Variants in MCTP1 observed in about 807,000 individuals in gnomAD.
The protein encoded by MCTP1 is multiple C2 and transmembrane domain-containing protein 1.
MCTP1 carries 69 observed loss-of-function variants against 120.6 expected under a neutral mutation model. The observed-to-expected ratio is 0.57, with a 90% CI of 0.47 to 0.70. MCTP1 has a LOEUF of 0.70. MCTP1 is among the 30% of genes least tolerant of loss of function. The probability of loss-of-function intolerance (pLI) is 0.00; values close to 1 mark genes in which losing one functional copy is unlikely to be tolerated. For synonymous variants in MCTP1, 529 were observed against 493.1 expected, an observed-to-expected ratio of 1.07 and a Z score of -0.96; for missense variants, 1,203 against 1,248.8, an observed-to-expected ratio of 0.96 and a Z score of 0.55.
chr5:95,036,620 C>G (rs1239657859), intron 1 of MCTP1, among the ~76,000 whole-genome samples: 5 of 152,078 alleles, frequency 3.3e-5, no homozygotes, highest in Admixed American at 2.0e-4. Flanking sequence ...TCAGGAAAAC[C>G]CAAAGAACCA....
At chr5:95,060,925 G>C (rs1386554786) in intron 1 of MCTP1, among the ~76,000 whole-genome samples, 3 of 131,486 alleles carry the variant, frequency 2.3e-5, no homozygotes, top group African/African-American at 8.6e-5. Context: ...AGTGGGCAGA[G>C]AGCATGCCAC....
intron 6 of MCTP1, among the ~76,000 whole-genome samples, chr5:94,927,343 T>A (rs1154848): frequency 0.36 from 55,063 of 152,056 alleles, 10,883 homozygotes; most frequent in South Asian, 0.49. Context: ...TGAGGTTGAT[T>A]TTATAACATT....
In MCTP1 at chr5:94,873,131, C is replaced by T; in HGVS notation, c.2036+8G>A. 1 of 1,485,270 alleles carries T rather than the reference C, an allele frequency of 6.7e-7. No homozygotes were observed. Among genetic ancestry groups the T allele is most frequent in the Non-Finnish European group, 9.4e-7 (1 of 1,065,382 alleles). 92.0% of individuals were successfully genotyped at this position (1,485,270 alleles called of 1,614,324 possible). ...TTGGATTCAGAGCCCAAAGAAATGC[C>T]TACTTACAACGTGAAGACTTTATTC... On this transcript the variant is annotated splice_region_variant and intron_variant, in intron 13 of 22. Transcript: ENST00000515393.
At chr5:95,137,324 C>A (rs923246879) in intron 1 of MCTP1, among the ~76,000 whole-genome samples, 1 of 152,218 alleles carries the variant, frequency 6.6e-6, no homozygotes, top group Non-Finnish European at 1.5e-5. Flanking sequence ...ATTCTCCAAG[C>A]CTCAGCATTG....
intron 1 of MCTP1, among the ~76,000 whole-genome samples, chr5:95,171,071 G>A (rs990633871): frequency 3.3e-5 from 5 of 152,020 alleles, no homozygotes; most frequent in African/African-American, 1.2e-4. Context: ...TCCATGTTTA[G>A]TGCTTATTTC....
At chr5:95,096,810 G>T (rs139335424) in intron 1 of MCTP1, among the ~76,000 whole-genome samples, 77 of 152,158 alleles carry the variant, frequency 5.1e-4, no homozygotes, top group African/African-American at 1.6e-3. Flanking sequence ...TATTAAATGG[G>T]GCCAAGAGAG....
intron 22 of MCTP1, 59 bp from the exon 23 acceptor site, chr5:94,707,626 G>T: frequency 7.9e-7 from 1 of 1,263,294 alleles, no homozygotes; most frequent in South Asian, 1.2e-5. Context: ...GCAAAGAAAG[G>T]AACAGCAAAG....
intron 1 of MCTP1, among the ~76,000 whole-genome samples, chr5:95,124,320 G>A (rs776672479): frequency 6.6e-6 from 1 of 152,246 alleles, no homozygotes; most frequent in Non-Finnish European, 1.5e-5. Context: ...TGAGCGAGCT[G>A]ACAGATTTGT....
chr5:94,761,072 T>G (rs1443559136), intron 19 of MCTP1, among the ~76,000 whole-genome samples: 1 of 152,216 alleles, frequency 6.6e-6, no homozygotes, highest in African/African-American at 2.4e-5. Context: ...AAATATGAAC[T>G]GTTGGCAGTT....
intron 17 of MCTP1, among the ~76,000 whole-genome samples, chr5:94,812,936 CTGTG>C (rs1371878660): frequency 6.6e-6 from 1 of 151,452 alleles, no homozygotes; most frequent in Non-Finnish European, 1.5e-5. Context: ...GTATAAATGT[CTGTG>C]TGTGTGCGTG....
intron 1 of MCTP1, among the ~76,000 whole-genome samples, chr5:95,054,894 G>A (rs963566649): frequency 5.9e-5 from 9 of 152,118 alleles, no homozygotes; most frequent in South Asian, 2.1e-4. Flanking sequence ...TGCAACCTCC[G>A]CCTCCCAAGA....
intron 10 of MCTP1, among the ~76,000 whole-genome samples, chr5:94,905,842 T>C (rs1407867094): frequency 6.6e-6 from 1 of 151,974 alleles, no homozygotes; most frequent in Non-Finnish European, 1.5e-5. Flanking sequence ...ATCAATGAAG[T>C]CACCATGGGA....
intron 17 of MCTP1, among the ~76,000 whole-genome samples, chr5:94,842,554 G>A (rs1318838610): frequency 6.6e-6 from 1 of 151,894 alleles, no homozygotes; most frequent in Non-Finnish European, 1.5e-5. Flanking sequence ...AATATGTTTG[G>A]GGAAAAAATC....
At chr5:94,997,725 C>G (rs1271517917) in intron 2 of MCTP1, among the ~76,000 whole-genome samples, 1 of 152,154 alleles carries the variant, frequency 6.6e-6, no homozygotes, top group Non-Finnish European at 1.5e-5. Context: ...CCAAAGTACA[C>G]AGTTCACAGT....
chr5:95,075,717 A>T (rs1753371904), intron 1 of MCTP1, among the ~76,000 whole-genome samples: 1 of 152,226 alleles, frequency 6.6e-6, no homozygotes, highest in South Asian at 2.1e-4. Flanking sequence ...AGATAATTTT[A>T]CGTAAAAGTT....
chr5:95,141,573 C>T (rs1347651012), intron 1 of MCTP1, among the ~76,000 whole-genome samples: 1 of 152,298 alleles, frequency 6.6e-6, no homozygotes, highest in South Asian at 2.1e-4. Flanking sequence ...CTTTTTGTTA[C>T]CTGATACCGA....
At chr5:95,207,516 G>T (rs1374532372) in intron 1 of MCTP1, among the ~76,000 whole-genome samples, 1 of 152,166 alleles carries the variant, frequency 6.6e-6, no homozygotes, top group Non-Finnish European at 1.5e-5. Context: ...ATTGATCAGA[G>T]TTTGGACAAA....
chr5:94,759,739 G>A (rs1356280732), intron 19 of MCTP1, among the ~76,000 whole-genome samples: 1 of 152,028 alleles, frequency 6.6e-6, no homozygotes, highest in African/African-American at 2.4e-5. Flanking sequence ...CATAACCTGT[G>A]TTACTTAAAT....
At chr5:94,882,071 A>G (rs1581172292) in intron 12 of MCTP1, among the ~76,000 whole-genome samples, 1 of 152,174 alleles carries the variant, frequency 6.6e-6, no homozygotes, top group Non-Finnish European at 1.5e-5. Context: ...TGGTTAAAGC[A>G]AGATATCACA....
Sources: allele counts gnomAD v4.1 joint callset (sites outside exome capture counted in the v4.1 genomes callset), GRCh38; gene constraint gnomAD v4.1.1; transcripts MANE v1.5; gene names NCBI Gene and HGNC (gene_info 2026-07-23, HGNC 2026-07-21).